Variants in DGLUCY observed in about 807,000 individuals in gnomAD.
DGLUCY encodes the protein D-glutamate cyclase, mitochondrial.
Under a neutral mutation model 58.5 loss-of-function variants are expected in DGLUCY, and 58 were observed. The ratio of observed to expected loss-of-function variants is 0.99; its 90% CI spans 0.80 to 1.23. DGLUCY has a LOEUF of 1.23. Ranked by LOEUF, DGLUCY falls within the 50% of genes most tolerant of loss-of-function variation. The probability of loss-of-function intolerance (pLI) is 0.00; values close to 1 mark genes in which losing one functional copy is unlikely to be tolerated. For synonymous variants in DGLUCY, 325 were observed against 314.1 expected, an observed-to-expected ratio of 1.03 and a Z score of -0.37; for missense variants, 779 against 784.7, an observed-to-expected ratio of 0.99 and a Z score of 0.09.
At chr14:91,070,100 A>T (rs2043890891) in intron 1 of DGLUCY, among the ~76,000 whole-genome samples, 1 of 152,206 alleles carries the variant, frequency 6.6e-6, no homozygotes, top group African/African-American at 2.4e-5. Flanking sequence ...TTTATATTTG[A>T]CTTACAAGAC....
intron 10 of DGLUCY, among the ~76,000 whole-genome samples, chr14:91,198,031 T>G (rs919141403): frequency 8.5e-5 from 13 of 152,212 alleles, no homozygotes; most frequent in African/African-American, 1.2e-4. Context: ...GAGAGAGATG[T>G]AAAAGTACAA....
rs1472338402 is a variant in DGLUCY at position 91,167,330 on chromosome 14, A to T, written c.209A>T (p.Glu70Val). Residue 70 changes from glutamate (E) to valine (V), a missense_variant, in exon 4 of 14, where the codon GAG (glutamate) becomes GTG (valine). Transcript: ENST00000256324. Reference sequence around the variant, plus strand: ...CCTCTACCCCTGCTGGGCCAGAGTGAGCCAGAAAAGTGGATGCTGCCCCCT... The same window carrying T: ...CCTCTACCCCTGCTGGGCCAGAGTGTGCCAGAAAAGTGGATGCTGCCCCCT... ...TGPLPLLGQS[E>V]PEKWMLPPQG... is the part of the protein sequence containing the mutation. 2 of 1,614,008 alleles carry T rather than the reference A, an allele frequency of 1.2e-6. No homozygotes were observed. Among genetic ancestry groups the T allele is most frequent in the Admixed American group, 3.3e-5 (2 of 59,962 alleles).
chr14:91,211,154 T>G (rs1460393219), intron 12 of DGLUCY, among the ~76,000 whole-genome samples: 1 of 151,832 alleles, frequency 6.6e-6, no homozygotes, highest in Non-Finnish European at 1.5e-5. Flanking sequence ...TGAAGGAAAA[T>G]ACAAAACATT....
intron 1 of DGLUCY, among the ~76,000 whole-genome samples, chr14:91,155,961 A>G (rs963438076): frequency 1.3e-5 from 2 of 152,124 alleles, no homozygotes; most frequent in Non-Finnish European, 2.9e-5. Context: ...TGAGGGCACC[A>G]CTGATACCAA....
rs1384896298 is a variant in DGLUCY, at chr14:91,173,444, G to T, written c.607+5G>T. 1.3e-6 allele frequency: 2 copies of T among 1,592,876 alleles called. No individual in the cohort carries two copies. Among genetic ancestry groups the T allele is most frequent in the African/African-American group, 2.7e-5 (2 of 73,620 alleles). On this transcript the variant is annotated splice_donor_5th_base_variant and intron_variant, in intron 6 of 13. Coordinates refer to ENST00000256324, the MANE Select transcript of DGLUCY (RefSeq NM_001102368.3). Reference sequence around the variant, plus strand: ...CTGTTCACATGGGCGACCCAGGTCAGTGTCTCTCGCTCCTGCCCATGATCT... The same window carrying T: ...CTGTTCACATGGGCGACCCAGGTCATTGTCTCTCGCTCCTGCCCATGATCT...
At chr14:91,080,213 T>G (rs935124264) in intron 1 of DGLUCY, among the ~76,000 whole-genome samples, 2 of 152,242 alleles carry the variant, frequency 1.3e-5, no homozygotes, top group Admixed American at 6.5e-5. Context: ...TGCGATTGTT[T>G]CTACCTTTTG....
intron 8 of DGLUCY, among the ~76,000 whole-genome samples, chr14:91,183,654 C>T (rs758821422): frequency 2.0e-5 from 3 of 152,190 alleles, no homozygotes; most frequent in South Asian, 4.1e-4. Context: ...AGTGACTCTA[C>T]GTGGAGGCAG....
intron 1 of DGLUCY, among the ~76,000 whole-genome samples, chr14:91,135,601 G>A (rs1566958850): frequency 7.0e-6 from 1 of 142,106 alleles, no homozygotes; most frequent in Non-Finnish European, 1.5e-5. Flanking sequence ...AGCGAGCCGA[G>A]ATCGAGCCAC....
At chr14:91,195,258 A>G (rs2050132142) in intron 9 of DGLUCY, among the ~76,000 whole-genome samples, 1 of 152,172 alleles carries the variant, frequency 6.6e-6, no homozygotes, top group South Asian at 2.1e-4. Context: ...GCCAGTGACT[A>G]TGCTGGGATT....
At chr14:91,099,439 G>A (rs184231485) in intron 1 of DGLUCY, among the ~76,000 whole-genome samples, 1 of 151,892 alleles carries the variant, frequency 6.6e-6, no homozygotes, top group Admixed American at 6.6e-5. Flanking sequence ...AGGCCGAAGT[G>A]GGAGGATTGT....
intron 1 of DGLUCY, among the ~76,000 whole-genome samples, chr14:91,089,101 C>T (rs2044268049): frequency 6.6e-6 from 1 of 152,230 alleles, no homozygotes; most frequent in African/African-American, 2.4e-5. Context: ...ACTGCCTCTT[C>T]CTCCATTCTC....
At chr14:91,204,604 T>G in intron 11 of DGLUCY, 102 bp from the exon 12 acceptor site, 1 of 1,471,028 alleles carries the variant, frequency 6.8e-7, no homozygotes, top group Non-Finnish European at 9.2e-7. Flanking sequence ...GCCAACCTTT[T>G]TGCCCTCCCA....
intron 1 of DGLUCY, among the ~76,000 whole-genome samples, chr14:91,149,247 CAAAAA>C (rs530717496): frequency 2.6e-5 from 3 of 113,928 alleles, no homozygotes; most frequent in Admixed American, 9.3e-5. Flanking sequence ...AACTCTATCT[CAAAAA>C]AAAAAAAAAG....
intron 8 of DGLUCY, among the ~76,000 whole-genome samples, chr14:91,182,992 T>C (rs1023407222): frequency 5.3e-5 from 8 of 151,490 alleles, no homozygotes; most frequent in African/African-American, 1.7e-4. Flanking sequence ...TTATTTATTT[T>C]ATTTTATTTT....
chr14:91,094,668 C>T (rs1318721933), intron 1 of DGLUCY, among the ~76,000 whole-genome samples: 1 of 151,292 alleles, frequency 6.6e-6, no homozygotes, highest in African/African-American at 2.4e-5. Context: ...ACTAAAAATA[C>T]AGAAATTAGC....
At chr14:91,089,515 A>G (rs2044274754) in intron 1 of DGLUCY, among the ~76,000 whole-genome samples, 1 of 152,158 alleles carries the variant, frequency 6.6e-6, no homozygotes, top group Non-Finnish European at 1.5e-5. Flanking sequence ...TGTCGAAACT[A>G]AGACATTTTA....
At chr14:91,130,025 T>C (rs753154632) in intron 1 of DGLUCY, among the ~76,000 whole-genome samples, 15 of 152,188 alleles carry the variant, frequency 9.9e-5, no homozygotes, top group Non-Finnish European at 2.1e-4. Context: ...TAGTGTTACA[T>C]TGTATGATTT....
intron 12 of DGLUCY, among the ~76,000 whole-genome samples, chr14:91,209,485 G>A (rs894247107): frequency 1.3e-5 from 2 of 152,016 alleles, no homozygotes; most frequent in African/African-American, 4.8e-5. Flanking sequence ...GAGGCTGGGT[G>A]GATCACGAGG....
chr14:91,172,013 G>A (rs2048597334), intron 5 of DGLUCY, among the ~76,000 whole-genome samples: 1 of 151,896 alleles, frequency 6.6e-6, no homozygotes, highest in Admixed American at 6.6e-5. Flanking sequence ...TATTGGATGG[G>A]AAAAAAAGTA....
Sources: gnomAD v4.1 joint callset for allele counts (sites outside exome capture counted in the v4.1 genomes callset) on GRCh38, gnomAD v4.1.1 for gene constraint, MANE v1.5 for transcripts, NCBI Gene and HGNC (gene_info 2026-07-23, HGNC 2026-07-21) for gene names.